Variants in BCL2 observed in about 807,000 individuals in gnomAD.
The protein encoded by BCL2 is apoptosis regulator Bcl-2.
A neutral mutation model predicts 14.2 loss-of-function variants in BCL2; 1 was observed. The ratio of observed to expected loss-of-function variants is 0.07; its 90% CI spans 0.02 to 0.33. The LOEUF (loss-of-function observed/expected upper bound fraction) is 0.33. Ranked by LOEUF, BCL2 falls within the 10% of genes least tolerant of loss-of-function variation. BCL2 has a pLI of 0.99. For synonymous variants in BCL2, 151 were observed against 137.2 expected (o/e 1.10, Z -0.70); for missense variants, 247 against 305.9 (o/e 0.81, Z 1.44).
At chr18:63,214,793 C>A (rs901440219) in intron 2 of BCL2, among the ~76,000 whole-genome samples, 1 of 152,144 alleles carries the variant, frequency 6.6e-6, no homozygotes, top group African/African-American at 2.4e-5. Context: ...TCACTGCAAC[C>A]TCCGCCTCCT....
chr18:63,310,309 C>A (rs945608170), intron 2 of BCL2, among the ~76,000 whole-genome samples: 1 of 152,192 alleles, frequency 6.6e-6, no homozygotes, highest in Non-Finnish European at 1.5e-5. Context: ...GTTCTCCATG[C>A]CCCAGTCAAA....
chr18:63,317,957 A>G, intron 2 of BCL2, 125 bp downstream of exon 2: 3 of 1,482,386 alleles, frequency 2.0e-6, no homozygotes, highest in Non-Finnish European at 2.7e-6. Context: ...GCCGGGAAGC[A>G]ACAACTCTGA....
At chr18:63,290,699 T>C (rs1408630668) in intron 2 of BCL2, among the ~76,000 whole-genome samples, 1 of 152,182 alleles carries the variant, frequency 6.6e-6, no homozygotes, top group Non-Finnish European at 1.5e-5. Flanking sequence ...AGATCACCTT[T>C]CATGGGCTCA....
chr18:63,228,264 A>C (rs1910599438), intron 2 of BCL2, among the ~76,000 whole-genome samples: 1 of 152,202 alleles, frequency 6.6e-6, no homozygotes, highest in African/African-American at 2.4e-5. Context: ...ATATTATCAC[A>C]TTAGAGGTTG....
chr18:63,167,941 T>A (rs998431946), intron 2 of BCL2, among the ~76,000 whole-genome samples: 15 of 145,736 alleles, frequency 1.0e-4, no homozygotes, highest in South Asian at 4.5e-4. Context: ...AAAAAAAAAA[T>A]AAATAAAGGA....
At position 63,128,163 on chromosome 18, in the gene BCL2, TC is replaced by T. The variant is rs1247769006; in HGVS notation, c.*461del. On this transcript the variant is annotated 3_prime_UTR_variant, in exon 3 of 3. Transcript: ENST00000333681. ...GTGAATGAACACCTTCTCCCCAGCC[TC>T]CAGCAGCCAGAAAGCCAGCTTCCCC... 1 of 232,282 alleles carries T rather than the reference TC, an allele frequency of 4.3e-6. No homozygotes were observed. Among genetic ancestry groups the T allele is most frequent in the Non-Finnish European group, 8.5e-6 (1 of 117,448 alleles). The allele number at this position is 232,282 out of a possible 1,614,324, so 14.4% of individuals were successfully genotyped here.
At chr18:63,244,086 A>G (rs1244702435) in intron 2 of BCL2, among the ~76,000 whole-genome samples, 1 of 152,176 alleles carries the variant, frequency 6.6e-6, no homozygotes, top group Admixed American at 6.5e-5. Context: ...TCTATTAAAA[A>G]TACAAAAATT....
chr18:63,156,647 C>T (rs978035918), intron 2 of BCL2, among the ~76,000 whole-genome samples: 10 of 152,082 alleles, frequency 6.6e-5, no homozygotes, highest in Non-Finnish European at 8.8e-5. Context: ...CTGATGTTTA[C>T]GTAAACAGAA....
chr18:63,305,608 A>AT (rs561602369), intron 2 of BCL2, among the ~76,000 whole-genome samples: 34 of 152,074 alleles, frequency 2.2e-4, no homozygotes, highest in Middle Eastern at 3.4e-3. Flanking sequence ...AACCACTGTC[A>AT]TTTTTTTCAC....
chr18:63,147,275 T>C (rs1914537797), intron 2 of BCL2, among the ~76,000 whole-genome samples: 1 of 152,336 alleles, frequency 6.6e-6, no homozygotes, highest in Middle Eastern at 3.4e-3. Flanking sequence ...TAAAGGTCCT[T>C]GGTGACACTC....
chr18:63,203,862 ATTACT>A (rs1175479214), intron 2 of BCL2, among the ~76,000 whole-genome samples: 16 of 152,226 alleles, frequency 1.1e-4, no homozygotes, highest in African/African-American at 2.9e-4. Context: ...TAATGTACAC[ATTACT>A]TTACTCAAAA....
chr18:63,292,881 G>A (rs1176799675), intron 2 of BCL2, among the ~76,000 whole-genome samples: 1 of 152,246 alleles, frequency 6.6e-6, no homozygotes, highest in Non-Finnish European at 1.5e-5. Flanking sequence ...CACGGGCCCA[G>A]AGACAGAAGA....
chr18:63,254,617 T>G (rs1165212705), intron 2 of BCL2, among the ~76,000 whole-genome samples: 1 of 152,074 alleles, frequency 6.6e-6, no homozygotes, highest in African/African-American at 2.4e-5. Context: ...GGGTCACAAT[T>G]ATCAATACCA....
At position 63,179,044 on chromosome 18, in the gene BCL2, A is replaced by G. The variant is rs78521150; in HGVS notation, c.586-50285T>C. On this transcript the variant is annotated intron_variant, in intron 2 of 2. Transcript: ENST00000333681. Reference sequence around the variant, plus strand: ...AATAATAAAATAAAGCAGTAAGGATATTTCTGGCTTGCTCTCTGCTTCCAT... The same window carrying G: ...AATAATAAAATAAAGCAGTAAGGATGTTTCTGGCTTGCTCTCTGCTTCCAT... Among the ~76,000 whole-genome samples, 177 of 152,324 alleles carry G rather than the reference A, an allele frequency of 1.2e-3. 4 individuals are homozygous for G. In the East Asian group the frequency reaches 0.029, roughly 25 times the overall value.
chr18:63,305,481 A>G (rs1913096211), intron 2 of BCL2, among the ~76,000 whole-genome samples: 1 of 152,168 alleles, frequency 6.6e-6, no homozygotes, highest in African/African-American at 2.4e-5. Context: ...TGGGGAGGAA[A>G]GTAGGGAGAA....
rs72943074 is a variant in BCL2 at position 63,211,630 on chromosome 18, A to G, written c.586-82871T>C. 9.9e-3 allele frequency among the ~76,000 whole-genome samples: 1,503 copies of G among 152,290 alleles called. 11 individuals are homozygous for G. Among genetic ancestry groups the G allele is most frequent in the Non-Finnish European group, 0.015 (988 of 68,002 alleles). On this transcript the variant is annotated intron_variant, in intron 2 of 2. Transcript: ENST00000333681. ...GCATGGGCGGGGGGCTCTGGCTTCG[A>G]TTTAGTCCTTCAGACACATACAGTG...
In BCL2 at chr18:63,124,510, G is replaced by T; in HGVS notation, c.*4115C>A. On this transcript the variant is annotated 3_prime_UTR_variant, in exon 3 of 3. Coordinates refer to ENST00000333681, the MANE Select transcript of BCL2 (RefSeq NM_000633.3). ...GAGGCATCACATCGACCCCAATACA[G>T]GTCCTTCATACCCTTAGTTCTGGTT... 1 of 231,802 alleles carries T rather than the reference G, an allele frequency of 4.3e-6. No individual in the cohort carries two copies. 14.4% of individuals were successfully genotyped at this position (231,802 alleles called of 1,614,324 possible).
At chr18:63,274,784 C>T (rs1290459380) in intron 2 of BCL2, among the ~76,000 whole-genome samples, 1 of 152,104 alleles carries the variant, frequency 6.6e-6, no homozygotes, top group African/African-American at 2.4e-5. Flanking sequence ...CCACCTTCCC[C>T]CAAATGAAGA....
chr18:63,127,337 C>T lies in BCL2; in HGVS notation c.*1288G>A. On this transcript the variant is annotated 3_prime_UTR_variant, in exon 3 of 3. Transcript: ENST00000333681. ...GTGGCCATTGCCTCTCCTCACGTTC[C>T]CAGCCTTCACCATGTCCTTCTGATA... The T allele has an allele frequency of 4.3e-6, 1 of 232,700 alleles. No individual in the cohort carries two copies. The highest frequency in any genetic ancestry group is 8.5e-6 in the Non-Finnish European group (1 of 117,602). 14.4% of individuals were successfully genotyped at this position (232,700 alleles called of 1,614,324 possible).
Sources: allele counts gnomAD v4.1 joint callset (sites outside exome capture counted in the v4.1 genomes callset), GRCh38; gene constraint gnomAD v4.1.1; transcripts MANE v1.5; gene names NCBI Gene and HGNC (gene_info 2026-07-23, HGNC 2026-07-21).